The following NXPE4 variants were observed in gnomAD, a reference collection of about 807,000 sequenced individuals.
NXPE4 encodes the protein NXPE family member 4.
In NXPE4, 42 loss-of-function variants were observed where a neutral mutation model predicts 33.3. The ratio of observed to expected loss-of-function variants is 1.26; its 90% CI spans 0.98 to 1.63. The LOEUF (loss-of-function observed/expected upper bound fraction) is 1.63. NXPE4 is among the 40% of genes most tolerant of loss of function. The probability of loss-of-function intolerance (pLI) is 0.00; values close to 1 mark genes in which losing one functional copy is unlikely to be tolerated. For synonymous variants in NXPE4, 253 were observed against 234.9 expected (o/e 1.08, Z -0.71); for missense variants, 709 against 647.6 (o/e 1.09, Z -1.03).
chr11:114,638,101 C>A, the NXPE4 span, among the ~76,000 whole-genome samples: 41,125 of 150,432 alleles, frequency 0.27, 6,014 homozygotes, highest in Middle Eastern at 0.38. Flanking sequence ...TCAGGTACAC[C>A]AATGAGATGT....
At chr11:114,635,125 C>T in the NXPE4 span, among the ~76,000 whole-genome samples, 12 of 151,044 alleles carry the variant, frequency 7.9e-5, no homozygotes, top group East Asian at 1.7e-3. Flanking sequence ...TTGTTTGTAT[C>T]CTCTTTTATT....
the NXPE4 span, among the ~76,000 whole-genome samples, chr11:114,672,142 C>G: frequency 6.6e-6 from 1 of 151,934 alleles, no homozygotes; most frequent in Non-Finnish European, 1.5e-5. Context: ...GGAAGTCCAC[C>G]CCCATGATTC....
At chr11:114,639,681 T>C in the NXPE4 span, among the ~76,000 whole-genome samples, 2 of 140,926 alleles carry the variant, frequency 1.4e-5, no homozygotes. Flanking sequence ...ATATGTAATA[T>C]ATTGTATCTA....
In NXPE4 at chr11:114,580,220, C is replaced by T. The variant is rs1426499529; in HGVS notation, c.1011G>A (p.Met337Ile). 4.3e-6 allele frequency: 7 copies of T among 1,614,038 alleles called. No individual in the cohort carries two copies. Among genetic ancestry groups the T allele is most frequent in the Non-Finnish European group, 5.9e-6 (7 of 1,179,928 alleles). The change falls in exon 5 of 6, where the codon ATG becomes ATA. Residue 337 changes from methionine (M) to isoleucine (I), a missense_variant. Transcript: ENST00000375478. ...PVSCSLATVK[M>I]KECLRGKLIY... ...TGAGTTTTCCTCTCAGGCATTCCTTCATTTTGACTGTAGCCAAACTACAGG... is the reference window on the plus strand; with the variant it reads ...TGAGTTTTCCTCTCAGGCATTCCTTTATTTTGACTGTAGCCAAACTACAGG...
At chr11:114,609,141 C>T in the NXPE4 span, among the ~76,000 whole-genome samples, 1 of 151,706 alleles carries the variant, frequency 6.6e-6, no homozygotes. Context: ...TAAGTATTGC[C>T]TCGTGGGTAA....
At chr11:114,633,441 C>A in the NXPE4 span, among the ~76,000 whole-genome samples, 1 of 143,958 alleles carries the variant, frequency 6.9e-6, no homozygotes, top group Non-Finnish European at 1.5e-5. Context: ...GTATAGTATA[C>A]AATGTATATT....
At chr11:114,597,793 A>G (rs1013730563), upstream of NXPE4, among the ~76,000 whole-genome samples, 2 of 152,188 alleles carry the variant, frequency 1.3e-5, no homozygotes, top group African/African-American at 2.4e-5. Context: ...AGAGCTCCTG[A>G]TGACCAAAGT....
chr11:114,598,617 G>T (rs1296795344), upstream of NXPE4, among the ~76,000 whole-genome samples: 2 of 152,202 alleles, frequency 1.3e-5, no homozygotes, highest in Non-Finnish European at 2.9e-5. Context: ...AGCCACCAAG[G>T]CTTATGGCTT....
chr11:114,639,296 G>T, the NXPE4 span, among the ~76,000 whole-genome samples: 13 of 152,178 alleles, frequency 8.5e-5, no homozygotes, highest in East Asian at 2.5e-3. Context: ...ATCTCCTGGT[G>T]CACCGTTCCT....
chr11:114,579,088 T>C (rs1179557339), intron 5 of NXPE4, among the ~76,000 whole-genome samples: 2 of 152,178 alleles, frequency 1.3e-5, no homozygotes, highest in Non-Finnish European at 2.9e-5. Context: ...TGTACAAGCA[T>C]GGCATCGGCA....
chr11:114,589,367 A>G (rs902768090), intron 2 of NXPE4, among the ~76,000 whole-genome samples: 3 of 152,116 alleles, frequency 2.0e-5, no homozygotes, highest in African/African-American at 7.2e-5. Flanking sequence ...CCTTCTGGAC[A>G]CCAGAGCCAG....
the NXPE4 span, among the ~76,000 whole-genome samples, chr11:114,639,237 C>G: frequency 3.9e-5 from 6 of 152,030 alleles, no homozygotes. Flanking sequence ...TGCGAGCAAT[C>G]AGCGAGACTC....
the NXPE4 span, among the ~76,000 whole-genome samples, chr11:114,602,050 T>TA: frequency 1.1e-5 from 1 of 93,826 alleles, no homozygotes; most frequent in Non-Finnish European, 1.8e-5. Flanking sequence ...ATATATATTA[T>TA]ATTATATATA....
At chr11:114,674,576 CA>C in the NXPE4 span, among the ~76,000 whole-genome samples, 15 of 142,596 alleles carry the variant, frequency 1.1e-4, no homozygotes, top group East Asian at 6.2e-4. Flanking sequence ...CATACCACCA[CA>C]AAAAAAAAAT....
chr11:114,636,691 T>C, the NXPE4 span, among the ~76,000 whole-genome samples: 1 of 152,062 alleles, frequency 6.6e-6, no homozygotes, highest in South Asian at 2.1e-4. Flanking sequence ...TCAAAGAACA[T>C]CTTTATTTCT....
the NXPE4 span, among the ~76,000 whole-genome samples, chr11:114,609,344 G>A: frequency 6.6e-6 from 1 of 151,630 alleles, no homozygotes; most frequent in African/African-American, 2.4e-5. Context: ...TGTATAATAA[G>A]TAATGTCTCA....
intron 2 of NXPE4, among the ~76,000 whole-genome samples, chr11:114,588,866 T>C (rs1949373416): frequency 6.6e-6 from 1 of 152,020 alleles, no homozygotes; most frequent in African/African-American, 2.4e-5. Flanking sequence ...GACAAGTTTA[T>C]TACACAGGCA....
At chr11:114,595,457 T>C (rs1243289016) in intron 1 of NXPE4, 135 bp downstream of exon 1, 1 of 152,218 alleles carries the variant, frequency 6.6e-6, no homozygotes, top group Admixed American at 6.6e-5. Flanking sequence ...TTTCCATCCC[T>C]CAAAATTTAC....
At chr11:114,585,359 A>T (rs1358237232) in intron 2 of NXPE4, among the ~76,000 whole-genome samples, 3 of 151,996 alleles carry the variant, frequency 2.0e-5, no homozygotes, top group Non-Finnish European at 2.9e-5. Flanking sequence ...AAAAAACAAG[A>T]CCTAACTCTA....
Sources: gnomAD v4.1 joint callset for allele counts (sites outside exome capture counted in the v4.1 genomes callset) on GRCh38, gnomAD v4.1.1 for gene constraint, MANE v1.5 for transcripts, NCBI Gene and HGNC (gene_info 2026-07-23, HGNC 2026-07-21) for gene names.